The following HIP1 variants were observed in gnomAD, a reference collection of about 807,000 sequenced individuals.
HIP1 encodes huntingtin-interacting protein 1.
Under a neutral mutation model 147.6 loss-of-function variants are expected in HIP1, and 65 were observed. The ratio of observed to expected loss-of-function variants is 0.44; its 90% CI spans 0.36 to 0.54. The LOEUF (loss-of-function observed/expected upper bound fraction) is 0.54, where lower values mean the gene tolerates loss of function less well. HIP1 is among the 20% of genes least tolerant of loss of function. The pLI is 0.00. For missense variants in HIP1, 1,061 were observed against 1,299.6 expected, an observed-to-expected ratio of 0.82 and a Z score of 2.82; for synonymous variants, 479 against 504.0, an observed-to-expected ratio of 0.95 and a Z score of 0.67.
intron 7 of HIP1, among the ~76,000 whole-genome samples, chr7:75,576,573 T>A (rs765968257): frequency 5.1e-4 from 77 of 151,974 alleles, no homozygotes; most frequent in Non-Finnish European, 6.3e-4. Context: ...AATACAAAAA[T>A]TGGCCAGGTG....
At chr7:75,580,718 G>A (rs1317906414) in intron 7 of HIP1, among the ~76,000 whole-genome samples, 2 of 151,958 alleles carry the variant, frequency 1.3e-5, no homozygotes, top group South Asian at 4.1e-4. Flanking sequence ...CAGCCTGGGC[G>A]ACAGAGTGAG....
At chr7:75,662,077 T>C (rs76767335) in intron 1 of HIP1, among the ~76,000 whole-genome samples, 9,533 of 41,250 alleles carry the variant, frequency 0.23, 507 homozygotes, top group Admixed American at 0.43. Context: ...GGGGTGAAGG[T>C]GGAGGGGAGG....
In HIP1 at chr7:75,573,833, G is replaced by A. The variant is rs1554497125; in HGVS notation, c.673C>T (p.Leu225=). The A allele has an allele frequency of 9.9e-6, 16 of 1,614,014 alleles. No individual in the cohort carries two copies. The highest frequency in any genetic ancestry group is 1.4e-5 in the Non-Finnish European group (16 of 1,179,988). ...CTGCAGTCCAAGATGACCTGGATCAGCGGGGCGAGGCGGCACTGCCCTGCT... is the reference window on the plus strand; with the variant it reads ...CTGCAGTCCAAGATGACCTGGATCAACGGGGCGAGGCGGCACTGCCCTGCT... ...TAAGQCRLAP[L]IQVILDCSHL... is the part of the protein sequence containing the mutation. Residue 225 remains leucine, a synonymous_variant, in exon 8 of 31, where the codon CTG becomes TTG. Coordinates refer to ENST00000336926, the MANE Select transcript of HIP1 (RefSeq NM_005338.7).
chr7:75,660,678 T>C (rs1554513469), intron 1 of HIP1, among the ~76,000 whole-genome samples: 1 of 152,078 alleles, frequency 6.6e-6, no homozygotes, highest in African/African-American at 2.4e-5. Context: ...GTTTGGGGCA[T>C]ATGAAAATAG....
chr7:75,738,342 C>T (rs1322850540), intron 1 of HIP1, among the ~76,000 whole-genome samples: 1 of 152,150 alleles, frequency 6.6e-6, no homozygotes, highest in Non-Finnish European at 1.5e-5. Flanking sequence ...GATGTCAATG[C>T]AACCAAGAAG....
intron 2 of HIP1, among the ~76,000 whole-genome samples, 187 bp downstream of exon 2, chr7:75,598,997 C>T (rs782644026): frequency 2.8e-4 from 42 of 152,198 alleles, no homozygotes; most frequent in Non-Finnish European, 5.1e-4. Context: ...GTGTCTGCCA[C>T]CCTGAAGGTC....
At position 75,664,131 on chromosome 7, in the gene HIP1, T is replaced by C. The variant is rs1177756197; in HGVS notation, c.121-64884A>G. Among the ~76,000 whole-genome samples the C allele has an allele frequency of 1.6e-4, 8 of 50,034 alleles. 2 individuals are homozygous for C. Among genetic ancestry groups the C allele is most frequent in the African/African-American group, 3.3e-4 (3 of 9,056 alleles). 32.8% of individuals were successfully genotyped at this position (50,034 alleles called of 152,430 possible). A position where few individuals can be genotyped will look rare whatever the true frequency, so the allele number is the denominator to read the frequency against. On this transcript the variant is annotated intron_variant, in intron 1 of 30. Transcript: ENST00000336926. ...ACATGTATGCATATATGCACACACA[T>C]GTGTGTACATACATACATGTATGTG... is the stretch of plus-strand genomic sequence containing the variant.
intron 1 of HIP1, among the ~76,000 whole-genome samples, chr7:75,725,372 A>G (rs1473907471): frequency 6.6e-6 from 1 of 152,096 alleles, no homozygotes; most frequent in East Asian, 1.9e-4. Context: ...TGAAATATAA[A>G]GAACACTGCA....
intron 2 of HIP1, among the ~76,000 whole-genome samples, chr7:75,593,860 G>A (rs587597291): frequency 6.6e-6 from 1 of 152,136 alleles, no homozygotes; most frequent in East Asian, 1.9e-4. Context: ...ACCTGGCCCT[G>A]TTCAGGGGCA....
intron 1 of HIP1, among the ~76,000 whole-genome samples, chr7:75,691,625 C>T (rs186150989): frequency 6.6e-6 from 1 of 151,942 alleles, no homozygotes; most frequent in East Asian, 1.9e-4. Context: ...ATGGTGAAAC[C>T]CCATCTCTAC....
chr7:75,649,094 G>A lies in HIP1; in HGVS notation c.121-49847C>T, dbSNP rs1276737924. On this transcript the variant is annotated intron_variant, in intron 1 of 30. Coordinates refer to ENST00000336926, the MANE Select transcript of HIP1 (RefSeq NM_005338.7). ...GGCTGGAGTGCAATGGCATGATTCC[G>A]GCTCACCGCAAACTCCGCCTCCCGG... is the stretch of plus-strand genomic sequence containing the variant. 3.3e-5 allele frequency among the ~76,000 whole-genome samples: 5 copies of A among 151,826 alleles called. No homozygotes were observed. In the East Asian group the frequency reaches 5.8e-4, roughly 18 times the overall value.
At chr7:75,723,203 T>C (rs1801551552) in intron 1 of HIP1, among the ~76,000 whole-genome samples, 1 of 152,138 alleles carries the variant, frequency 6.6e-6, no homozygotes, top group Non-Finnish European at 1.5e-5. Flanking sequence ...CCATCCCATC[T>C]CTACTAAAGA....
At chr7:75,549,166 C>CG (rs1794684829) in intron 22 of HIP1, among the ~76,000 whole-genome samples, 165 bp from the exon 23 acceptor site, 1 of 151,966 alleles carries the variant, frequency 6.6e-6, no homozygotes, top group Non-Finnish European at 1.5e-5. Flanking sequence ...ATCTTGTCCT[C>CG]TCTGTGACAC....
At chr7:75,560,771 GT>G (rs1584798786) in intron 13 of HIP1, among the ~76,000 whole-genome samples, 1 of 152,032 alleles carries the variant, frequency 6.6e-6, no homozygotes, top group East Asian at 1.9e-4. Context: ...TTTTTATTTG[GT>G]TTTAGAGACA....
intron 1 of HIP1, among the ~76,000 whole-genome samples, chr7:75,602,493 T>A: frequency 8.4e-6 from 1 of 119,572 alleles, no homozygotes; most frequent in Non-Finnish European, 1.6e-5. Context: ...TCAGATATGC[T>A]CTTTTTTTTT....
At chr7:75,567,937 T>C (rs1474808671) in intron 9 of HIP1, among the ~76,000 whole-genome samples, 1 of 152,066 alleles carries the variant, frequency 6.6e-6, no homozygotes, top group Non-Finnish European at 1.5e-5. Context: ...GCCTCTCAAG[T>C]GGCTGGGATC....
chr7:75,670,189 C>CTA (rs782014824), intron 1 of HIP1, among the ~76,000 whole-genome samples: 2 of 151,814 alleles, frequency 1.3e-5, no homozygotes, highest in South Asian at 2.1e-4. Context: ...ACTCTGTTGC[C>CTA]TAGGCTGGGG....
intron 1 of HIP1, 135 bp downstream of exon 1, chr7:75,738,666 T>G: frequency 8.8e-7 from 1 of 1,134,006 alleles, no homozygotes; most frequent in Non-Finnish European, 1.2e-6. Context: ...GATCTGCACG[T>G]CAATGCCCCC....
chr7:75,588,949 G>A (rs1796379493), intron 4 of HIP1, among the ~76,000 whole-genome samples: 1 of 152,090 alleles, frequency 6.6e-6, no homozygotes, highest in South Asian at 2.1e-4. Flanking sequence ...TTAGGAGTTC[G>A]AAACCAGCCT....
Sources: gnomAD v4.1 joint callset for allele counts (sites outside exome capture counted in the v4.1 genomes callset) on GRCh38, gnomAD v4.1.1 for gene constraint, MANE v1.5 for transcripts, NCBI Gene and HGNC (gene_info 2026-07-23, HGNC 2026-07-21) for gene names.